Variants in DNAJC1 observed in about 807,000 individuals in gnomAD.
DNAJC1 encodes the protein dnaJ homolog subfamily C member 1.
In DNAJC1, 58 loss-of-function variants were observed where a neutral mutation model predicts 76.6. The observed-to-expected ratio is 0.76, with a 90% CI of 0.61 to 0.94. The LOEUF (loss-of-function observed/expected upper bound fraction) is 0.94, where lower values mean the gene tolerates loss of function less well. Among genes scored for constraint, DNAJC1 ranks in the 40% least tolerant of loss-of-function variants. The probability of loss-of-function intolerance (pLI) is 0.00; values close to 1 mark genes in which losing one functional copy is unlikely to be tolerated. For synonymous variants in DNAJC1, 258 were observed against 267.9 expected (o/e 0.96, Z 0.36); for missense variants, 689 against 677.3 (o/e 1.02, Z -0.19).
intron 9 of DNAJC1, among the ~76,000 whole-genome samples, chr10:21,789,098 G>C (rs1006720800): frequency 2.6e-5 from 4 of 152,186 alleles, no homozygotes; most frequent in African/African-American, 9.7e-5. Context: ...GGCCATGCCA[G>C]ATCTGACAGC....
intron 9 of DNAJC1, among the ~76,000 whole-genome samples, chr10:21,783,101 A>T (rs1215023647): frequency 6.6e-6 from 1 of 152,188 alleles, no homozygotes; most frequent in East Asian, 1.9e-4. Context: ...GGAAAAGAGG[A>T]AGTCAAACTG....
chr10:21,952,110 A>T (rs1837606769), intron 1 of DNAJC1, among the ~76,000 whole-genome samples: 2 of 152,192 alleles, frequency 1.3e-5, no homozygotes, highest in African/African-American at 4.8e-5. Flanking sequence ...GTTAAGTGTA[A>T]TTATAAAAAA....
intron 9 of DNAJC1, among the ~76,000 whole-genome samples, chr10:21,792,804 A>G (rs1031192810): frequency 3.3e-5 from 5 of 152,126 alleles, no homozygotes; most frequent in African/African-American, 1.2e-4. Context: ...AGCACCATAT[A>G]AAATGTATAT....
At chr10:21,767,558 GACTACAGGCATGAGC>G (rs1203554965) in intron 9 of DNAJC1, among the ~76,000 whole-genome samples, 1 of 152,190 alleles carries the variant, frequency 6.6e-6, no homozygotes, top group Admixed American at 6.5e-5. Context: ...GAGTAGCTGG[GACTACAGGCATGAGC>G]CACTGCACTT....
rs1203555064 is a variant in DNAJC1, at chr10:21,910,979, G to C, written c.730-6367C>G. ...GAGAGAGAAAGAAAGAGGGGGGGAAGAGAGAAAGAGGGAGAGAGGGAGAAA... is the reference window on the plus strand; with the variant it reads ...GAGAGAGAAAGAAAGAGGGGGGGAACAGAGAAAGAGGGAGAGAGGGAGAAA... On this transcript the variant is annotated intron_variant, in intron 6 of 11. Transcript: ENST00000376980. Among the ~76,000 whole-genome samples, 3 of 149,032 alleles carry C rather than the reference G, an allele frequency of 2.0e-5. No individual in the cohort carries two copies. The East Asian group carries it at 5.9e-4, about 30-fold the overall frequency.
At chr10:21,782,695 T>C (rs905552991) in intron 9 of DNAJC1, among the ~76,000 whole-genome samples, 1 of 152,176 alleles carries the variant, frequency 6.6e-6, no homozygotes, top group Non-Finnish European at 1.5e-5. Flanking sequence ...TCAAAAAGCT[T>C]ATCCACCATG....
chr10:21,776,683 T>TTA (rs1834457233), intron 9 of DNAJC1, among the ~76,000 whole-genome samples: 1 of 152,198 alleles, frequency 6.6e-6, no homozygotes, highest in Non-Finnish European at 1.5e-5. Context: ...ATTTCTCTAA[T>TTA]GTCTTTAAAC....
At position 21,908,677 on chromosome 10, in the gene DNAJC1, T is replaced by C. The variant is rs112936654; in HGVS notation, c.730-4065A>G. ...ACACTGCCTGGCACTTACAGAAGCT[T>C]AATAAATATTTAATGAATAATTAAA... On this transcript the variant is annotated intron_variant, in intron 6 of 11. Transcript: ENST00000376980. 5.3e-5 allele frequency among the ~76,000 whole-genome samples: 8 copies of C among 152,124 alleles called. 1 individual carries two copies. Among genetic ancestry groups the C allele is most frequent in the African/African-American group, 1.9e-4 (8 of 41,490 alleles).
chr10:21,911,114 G>A (rs937791910), intron 6 of DNAJC1, among the ~76,000 whole-genome samples: 11 of 151,428 alleles, frequency 7.3e-5, no homozygotes, highest in African/African-American at 1.5e-4. Flanking sequence ...GCGGGCAGGC[G>A]GGGCAGGCAT....
chr10:22,000,977 A>G (rs1207673074), intron 1 of DNAJC1, among the ~76,000 whole-genome samples: 1 of 152,150 alleles, frequency 6.6e-6, no homozygotes, highest in African/African-American at 2.4e-5. Context: ...AATTACCCAC[A>G]TGGCTTACTC....
chr10:21,897,442 C>T (rs529602102), intron 7 of DNAJC1, among the ~76,000 whole-genome samples: 31 of 152,108 alleles, frequency 2.0e-4, no homozygotes, highest in Non-Finnish European at 4.1e-4. Context: ...TAGAGGGAAA[C>T]TTTATTAACT....
At chr10:21,940,508 A>G (rs149938861) in intron 1 of DNAJC1, among the ~76,000 whole-genome samples, 6 of 152,340 alleles carry the variant, frequency 3.9e-5, no homozygotes, top group African/African-American at 1.2e-4. Flanking sequence ...GTCAAGGTCA[A>G]TAAGAATGAT....
At chr10:21,919,149 G>T (rs1773032478) in intron 5 of DNAJC1, among the ~76,000 whole-genome samples, 1 of 151,944 alleles carries the variant, frequency 6.6e-6, no homozygotes, top group African/African-American at 2.4e-5. Context: ...ATAAACAAAA[G>T]CCTTCTTTCT....
chr10:21,990,693 G>A (rs1838314625), intron 1 of DNAJC1, among the ~76,000 whole-genome samples: 1 of 152,134 alleles, frequency 6.6e-6, no homozygotes, highest in Admixed American at 6.6e-5. Flanking sequence ...AACTCGTGAG[G>A]TCTCCACCAA....
intron 9 of DNAJC1, among the ~76,000 whole-genome samples, chr10:21,778,775 C>T (rs942964811): frequency 1.5e-4 from 23 of 152,142 alleles, no homozygotes; most frequent in Admixed American, 1.2e-3. Flanking sequence ...GCCCACCAAG[C>T]GTGAGCCGAA....
At chr10:21,953,821 T>TAAAAAA (rs779370823) in intron 1 of DNAJC1, among the ~76,000 whole-genome samples, 22 of 84,842 alleles carry the variant, frequency 2.6e-4, no homozygotes, top group Admixed American at 8.2e-4. Context: ...AACTGAACTT[T>TAAAAAA]AAAAAAAAAA....
intron 10 of DNAJC1, among the ~76,000 whole-genome samples, chr10:21,765,722 G>A (rs991796889): frequency 1.1e-4 from 16 of 152,036 alleles, no homozygotes; most frequent in Admixed American, 3.9e-4. Context: ...GCGGGCGCCC[G>A]TAATCCCAGC....
chr10:21,765,268 A>G (rs1461337097), intron 10 of DNAJC1, among the ~76,000 whole-genome samples: 1 of 152,010 alleles, frequency 6.6e-6, no homozygotes, highest in Non-Finnish European at 1.5e-5. Flanking sequence ...GGGTCTCACT[A>G]TGTTGCCCAG....
intron 6 of DNAJC1, among the ~76,000 whole-genome samples, chr10:21,912,557 T>C (rs960821914): frequency 7.2e-5 from 11 of 152,138 alleles, no homozygotes; most frequent in Admixed American, 6.5e-4. Flanking sequence ...TTATAAAAAT[T>C]CAGATGAACT....
Sources: gnomAD v4.1 joint callset for allele counts (sites outside exome capture counted in the v4.1 genomes callset) on GRCh38, gnomAD v4.1.1 for gene constraint, MANE v1.5 for transcripts, NCBI Gene and HGNC (gene_info 2026-07-23, HGNC 2026-07-21) for gene names.